LHFPL3: variants seen among roughly 807,000 people sequenced by gnomAD.
LHFPL3 encodes the protein LHFPL tetraspan subfamily member 3, also known as LHFPL tetraspan subfamily member 3 protein.
A neutral mutation model predicts 19.3 loss-of-function variants in LHFPL3; 5 were observed. The observed-to-expected ratio is 0.26, with a 90% CI of 0.14 to 0.54. The LOEUF (loss-of-function observed/expected upper bound fraction) is 0.54, where lower values mean the gene tolerates loss of function less well. Among genes scored for constraint, LHFPL3 ranks in the 20% least tolerant of loss-of-function variants. The probability of loss-of-function intolerance (pLI) is 0.94; values close to 1 mark genes in which losing one functional copy is unlikely to be tolerated. For missense variants in LHFPL3, 249 were observed against 307.4 expected (o/e 0.81, Z 1.42); for synonymous variants, 133 against 126.2 (o/e 1.05, Z -0.36).
At chr7:104,523,482 A>G (rs1794120286) in intron 1 of LHFPL3, among the ~76,000 whole-genome samples, 1 of 152,162 alleles carries the variant, frequency 6.6e-6, no homozygotes, top group African/African-American at 2.4e-5. Context: ...GTAAAATACA[A>G]TTTGCTGCAT....
At chr7:104,417,941 G>A (rs1791657733) in intron 1 of LHFPL3, among the ~76,000 whole-genome samples, 1 of 140,800 alleles carries the variant, frequency 7.1e-6, no homozygotes. Context: ...GGAGTGTAAT[G>A]GTGCAATCTT....
intron 1 of LHFPL3, among the ~76,000 whole-genome samples, chr7:104,681,242 AG>A (rs576565793): frequency 8.4e-4 from 126 of 150,626 alleles, no homozygotes; most frequent in Middle Eastern, 3.5e-3. Flanking sequence ...ACATGAGGAC[AG>A]GGATTTTATC....
At chr7:104,389,220 T>C (rs1484557720) in intron 1 of LHFPL3, among the ~76,000 whole-genome samples, 4 of 152,160 alleles carry the variant, frequency 2.6e-5, no homozygotes, top group Non-Finnish European at 5.9e-5. Context: ...TGTATTTCTG[T>C]ACACTAGTAA....
intron 1 of LHFPL3, among the ~76,000 whole-genome samples, chr7:104,345,266 A>G (rs1011921132): frequency 4.6e-5 from 7 of 152,096 alleles, no homozygotes; most frequent in African/African-American, 1.4e-4. Flanking sequence ...CTTTAACTCA[A>G]TTTTGCCAAA....
intron 1 of LHFPL3, among the ~76,000 whole-genome samples, chr7:104,625,764 G>A (rs1791532009): frequency 6.6e-6 from 1 of 152,088 alleles, no homozygotes; most frequent in South Asian, 2.1e-4. Context: ...GGAACTTCAA[G>A]GAGAAATTTT....
chr7:104,548,014 A>G (rs1173854177), intron 1 of LHFPL3, among the ~76,000 whole-genome samples: 1 of 152,206 alleles, frequency 6.6e-6, no homozygotes, highest in African/African-American at 2.4e-5. Context: ...GATTTTTCCA[A>G]CATGCATCTA....
intron 1 of LHFPL3, among the ~76,000 whole-genome samples, chr7:104,723,741 AAAAAAAAAAAG>A (rs1361190223): frequency 6.6e-6 from 1 of 150,898 alleles, no homozygotes; most frequent in African/African-American, 2.4e-5. Context: ...AAAAAAAAAA[AAAAAAAAAAAG>A]ATGATCTCTG....
rs527621333 is a variant in LHFPL3 at position 104,689,215 on chromosome 7, G to A, written c.446-47460G>A. On this transcript the variant is annotated intron_variant, in intron 1 of 2. Transcript: ENST00000424859. ...CTCAATTAGAAAATTTAAATGCCAT[G>A]GGAATAATTGGATCCCAAGGTGGCA... Among the ~76,000 whole-genome samples the A allele has an allele frequency of 9.2e-5, 14 of 152,280 alleles. No homozygotes were observed. In the South Asian group the frequency reaches 2.7e-3, roughly 29 times the overall value.
At chr7:104,765,712 T>C (rs1794445684) in intron 2 of LHFPL3, among the ~76,000 whole-genome samples, 1 of 152,248 alleles carries the variant, frequency 6.6e-6, no homozygotes, top group South Asian at 2.1e-4. Context: ...GTTTCTCCCA[T>C]GATGACCTTG....
chr7:104,370,755 G>A (rs376348308), intron 1 of LHFPL3, among the ~76,000 whole-genome samples: 7 of 152,198 alleles, frequency 4.6e-5, no homozygotes, highest in African/African-American at 7.2e-5. Context: ...GGTGGCGGGC[G>A]CCTGTAATCC....
At chr7:104,557,835 C>T (rs1157694079) in intron 1 of LHFPL3, among the ~76,000 whole-genome samples, 1 of 149,926 alleles carries the variant, frequency 6.7e-6, no homozygotes, top group African/African-American at 2.5e-5. Flanking sequence ...CCACTCCCCC[C>T]ACCCCACCAC....
intron 1 of LHFPL3, among the ~76,000 whole-genome samples, chr7:104,342,994 G>C (rs1220524477): frequency 1.1e-4 from 12 of 104,634 alleles, no homozygotes; most frequent in Non-Finnish European, 1.6e-4. Flanking sequence ...TTAAAGAATT[G>C]ACTTTTTTTT....
rs553107717 is a variant in LHFPL3, at chr7:104,890,291, A to C, written c.683-15896A>C. ...TCACTCACCTGGTCAACAAAGTGAAATCCTGTCTCTAAAAAAACAAGTGGT... is the reference window on the plus strand; with the variant it reads ...TCACTCACCTGGTCAACAAAGTGAACTCCTGTCTCTAAAAAAACAAGTGGT... On this transcript the variant is annotated intron_variant, in intron 2 of 2. Transcript: ENST00000424859. 4.0e-5 allele frequency among the ~76,000 whole-genome samples: 6 copies of C among 150,106 alleles called. No homozygotes were observed. In the South Asian group the frequency reaches 1.3e-3, roughly 31 times the overall value.
chr7:104,833,374 ATT>A (rs1491186488), intron 2 of LHFPL3, among the ~76,000 whole-genome samples: 108 of 5,092 alleles, frequency 0.021, 15 homozygotes, highest in South Asian at 0.067. Flanking sequence ...ATATATATAT[ATT>A]ATATATATAA....
At chr7:104,381,375 A>G (rs563232913) in intron 1 of LHFPL3, among the ~76,000 whole-genome samples, 129 of 152,276 alleles carry the variant, frequency 8.5e-4, no homozygotes, top group Non-Finnish European at 1.1e-3. Flanking sequence ...TTTCTTCTCC[A>G]TATTTCCATG....
At chr7:104,730,445 T>C (rs1793678462) in intron 1 of LHFPL3, among the ~76,000 whole-genome samples, 1 of 152,206 alleles carries the variant, frequency 6.6e-6, no homozygotes, top group Non-Finnish European at 1.5e-5. Context: ...TTCTAACTGG[T>C]GTCAGATGAT....
intron 2 of LHFPL3, among the ~76,000 whole-genome samples, chr7:104,833,416 A>AC (rs1491497452): frequency 1.5e-4 from 1 of 6,636 alleles, no homozygotes; most frequent in Non-Finnish European, 2.6e-4. Flanking sequence ...ATATATATAT[A>AC]ATATATATAT....
At chr7:104,687,285 C>T (rs774502351) in intron 1 of LHFPL3, among the ~76,000 whole-genome samples, 1 of 152,230 alleles carries the variant, frequency 6.6e-6, no homozygotes, top group Non-Finnish European at 1.5e-5. Context: ...GGACGCAGAA[C>T]TTCCATGTCC....
At chr7:104,587,929 T>C (rs1790615598) in intron 1 of LHFPL3, among the ~76,000 whole-genome samples, 1 of 152,234 alleles carries the variant, frequency 6.6e-6, no homozygotes, top group African/African-American at 2.4e-5. Flanking sequence ...TTTTGAGAAG[T>C]GTCTGTTCAT....
Sources: gnomAD v4.1 joint callset for allele counts (sites outside exome capture counted in the v4.1 genomes callset) on GRCh38, gnomAD v4.1.1 for gene constraint, MANE v1.5 for transcripts, NCBI Gene and HGNC (gene_info 2026-07-23, HGNC 2026-07-21) for gene names.